TRPM6: variants seen among roughly 807,000 people sequenced by gnomAD.
The protein encoded by TRPM6 is channel kinase 2.
In TRPM6, 111 loss-of-function variants were observed where a neutral mutation model predicts 247.6. That is an observed-to-expected ratio of 0.45 (90% CI 0.38 to 0.52). The LOEUF (loss-of-function observed/expected upper bound fraction) is 0.52. TRPM6 is among the 20% of genes least tolerant of loss of function. The probability of loss-of-function intolerance (pLI) is 0.00; values close to 1 mark genes in which losing one functional copy is unlikely to be tolerated. For synonymous variants in TRPM6, 892 were observed against 853.8 expected, an observed-to-expected ratio of 1.04 and a Z score of -0.78; for missense variants, 2,126 against 2,421.5, an observed-to-expected ratio of 0.88 and a Z score of 2.56.
rs115958350 is a variant in TRPM6, at chr9:74,792,352, G to A, written c.2538+272C>T. Among the ~76,000 whole-genome samples, 1,267 of 152,258 alleles carry A rather than the reference G, an allele frequency of 8.3e-3. 20 individuals carry two copies. The highest frequency in any genetic ancestry group is 0.027 in the African/African-American group (1,138 of 41,548). On this transcript the variant is annotated intron_variant, in intron 19 of 38. Transcript: ENST00000360774. ...AAAGCTAAGCAATAGGGCAAAGCCA[G>A]CTAGATCTTCCCACAATAACAGTGC...
chr9:74,852,079 T>C (rs1830339318), intron 3 of TRPM6, among the ~76,000 whole-genome samples: 1 of 151,604 alleles, frequency 6.6e-6, no homozygotes, highest in African/African-American at 2.4e-5. Flanking sequence ...GAGGTTGCAA[T>C]GAGCTATGAC....
At chr9:74,817,003 A>G in intron 9 of TRPM6, 39 bp from the exon 10 acceptor site, 4 of 1,521,450 alleles carry the variant, frequency 2.6e-6, no homozygotes, top group Non-Finnish European at 3.6e-6. Flanking sequence ...CATTTGGGGA[A>G]CTACCAAATA....
At chr9:74,735,798 G>T (rs889586934) in intron 36 of TRPM6, among the ~76,000 whole-genome samples, 1 of 152,174 alleles carries the variant, frequency 6.6e-6, no homozygotes, top group Admixed American at 6.5e-5. Context: ...AATTGGTCAG[G>T]TCTCTCCTTA....
chr9:74,782,649 T>C (rs1827504012), intron 22 of TRPM6, 30 bp downstream of exon 22: 2 of 1,612,516 alleles, frequency 1.2e-6, no homozygotes, highest in Admixed American at 3.3e-5. Flanking sequence ...AAGGCACAAT[T>C]TCTGCATGAC....
Position 74,786,121 on chromosome 9 carries a change from C to T in TRPM6, c.2672G>A (p.Cys891Tyr). 11 of 1,614,094 alleles carry T rather than the reference C, an allele frequency of 6.8e-6. No individual in the cohort carries two copies. Among genetic ancestry groups the T allele is most frequent in the Non-Finnish European group, 9.3e-6 (11 of 1,179,976 alleles). Residue 891 changes from cysteine to tyrosine, a missense_variant, in exon 21 of 39, where the codon TGT (cysteine) becomes TAT (tyrosine). By Grantham distance (194) the Cys-to-Tyr change is radical. This residue lies in a region of TRPM6 where 1,082 missense variants were observed against 1,307.9 expected (regional missense o/e 0.83). Coordinates refer to ENST00000360774, the MANE Select transcript of TRPM6 (RefSeq NM_017662.5). Reference sequence around the variant, plus strand: ...GGTAAACTTCCCAGGTTCTGAAATACAGATCTAAAAGAAGGAAGAAGGAAA... The same window carrying T: ...GGTAAACTTCCCAGGTTCTGAAATATAGATCTAAAAGAAGGAAGAAGGAAA... ...TNAIEVVREI[C>Y]ISEPGKFTQK...
intron 1 of TRPM6, among the ~76,000 whole-genome samples, chr9:74,862,841 C>T (rs1368287392): frequency 1.3e-5 from 2 of 151,632 alleles, no homozygotes; most frequent in Non-Finnish European, 2.9e-5. Flanking sequence ...AATTAGCTGA[C>T]GTGGTGTCGG....
At chr9:74,797,632 G>A (rs1033339279) in intron 17 of TRPM6, among the ~76,000 whole-genome samples, 17 of 151,988 alleles carry the variant, frequency 1.1e-4, no homozygotes, top group African/African-American at 4.1e-4. Flanking sequence ...AGAGCCAACT[G>A]TATAGAAGAA....
At chr9:74,791,634 C>T (rs1210133617) in intron 19 of TRPM6, among the ~76,000 whole-genome samples, 1 of 152,186 alleles carries the variant, frequency 6.6e-6, no homozygotes, top group Non-Finnish European at 1.5e-5. Flanking sequence ...AGTTCAGCTT[C>T]TAACATTTTT....
At chr9:74,776,810 A>G (rs1407109129) in intron 23 of TRPM6, among the ~76,000 whole-genome samples, 1 of 152,242 alleles carries the variant, frequency 6.6e-6, no homozygotes, top group Admixed American at 6.5e-5. Context: ...TAAGATGTCC[A>G]TCTTAATATT....
chr9:74,796,108 C>T (rs1199317094), intron 18 of TRPM6, among the ~76,000 whole-genome samples: 1 of 152,166 alleles, frequency 6.6e-6, no homozygotes, highest in East Asian at 1.9e-4. Flanking sequence ...AAAGTGCTGC[C>T]TCCACCCCTT....
intron 9 of TRPM6, among the ~76,000 whole-genome samples, chr9:74,817,669 G>C (rs1828985417): frequency 6.6e-6 from 1 of 151,918 alleles, no homozygotes; most frequent in African/African-American, 2.4e-5. Flanking sequence ...TGAGGCACTT[G>C]CTCACCCGTT....
At position 74,729,102 on chromosome 9, in the gene TRPM6, A is replaced by T. The variant is rs569473378; in HGVS notation, c.5829-757T>A. 2.0e-5 allele frequency among the ~76,000 whole-genome samples: 3 copies of T among 152,358 alleles called. No homozygotes were observed. The South Asian group carries it at 6.2e-4, about 32-fold the overall frequency. On this transcript the variant is annotated intron_variant, in intron 37 of 38. Coordinates refer to ENST00000360774, the MANE Select transcript of TRPM6 (RefSeq NM_017662.5). ...ATCAAAGGCGACCATCATTCTTTGG[A>T]TTTTGACACTGCACACCACAGAGCA...
At chr9:74,736,136 G>A (rs1825685827) in intron 36 of TRPM6, among the ~76,000 whole-genome samples, 1 of 152,230 alleles carries the variant, frequency 6.6e-6, no homozygotes, top group Non-Finnish European at 1.5e-5. Context: ...TGAAGGCGGT[G>A]TATCAGGAAC....
chr9:74,823,222 G>A (rs761586351), intron 7 of TRPM6, among the ~76,000 whole-genome samples: 2 of 152,124 alleles, frequency 1.3e-5, no homozygotes, highest in Non-Finnish European at 2.9e-5. Flanking sequence ...CTGCCCTCAT[G>A]GTGAGACATC....
At chr9:74,817,713 A>C (rs1237184586) in intron 9 of TRPM6, among the ~76,000 whole-genome samples, 1 of 144,442 alleles carries the variant, frequency 6.9e-6, no homozygotes. Flanking sequence ...ATTTTCAATA[A>C]ATCTCTGCTT....
rs568521244 is a variant in TRPM6 at position 74,819,081 on chromosome 9, G to A, written c.1134+1223C>T. On this transcript the variant is annotated intron_variant, in intron 9 of 38. Coordinates refer to ENST00000360774, the MANE Select transcript of TRPM6 (RefSeq NM_017662.5). ...CCAGAACTTTGGGAGGCCGAGACAG[G>A]CAGATCGCTTGAGGCCAGGAGTTCG... 4.9e-4 allele frequency among the ~76,000 whole-genome samples: 74 copies of A among 152,246 alleles called. 1 individual carries two copies. The South Asian group carries it at 0.015, about 31-fold the overall frequency.
At chr9:74,848,477 C>G (rs1238628175) in intron 3 of TRPM6, among the ~76,000 whole-genome samples, 2 of 152,150 alleles carry the variant, frequency 1.3e-5, no homozygotes, top group African/African-American at 2.4e-5. Flanking sequence ...GAATGGCACG[C>G]AATTTTAAAC....
intron 1 of TRPM6, among the ~76,000 whole-genome samples, chr9:74,859,862 G>T (rs138188636): frequency 6.6e-6 from 1 of 152,120 alleles, no homozygotes; most frequent in Non-Finnish European, 1.5e-5. Flanking sequence ...TTCTAAAAGG[G>T]AGCTTTTTCA....
intron 7 of TRPM6, 107 bp downstream of exon 7, chr9:74,827,671 C>T (rs1829388577): frequency 8.3e-7 from 1 of 1,197,710 alleles, no homozygotes; most frequent in South Asian, 1.2e-5. Flanking sequence ...ATTAAGGAGG[C>T]TAGCTTGAGG....
Sources: allele counts gnomAD v4.1 joint callset (sites outside exome capture counted in the v4.1 genomes callset), GRCh38; gene constraint gnomAD v4.1.1; regional missense constraint gnomAD v4.1.1; transcripts MANE v1.5; gene names NCBI Gene and HGNC (gene_info 2026-07-23, HGNC 2026-07-21).